Variants in CCDC28B observed in about 807,000 individuals in gnomAD.
The protein encoded by CCDC28B is coiled-coil domain-containing protein 28B.
Under a neutral mutation model 18.7 loss-of-function variants are expected in CCDC28B, and 17 were observed. That is an observed-to-expected ratio of 0.91 (90% CI 0.62 to 1.36). The LOEUF (loss-of-function observed/expected upper bound fraction) is 1.36, where lower values mean the gene tolerates loss of function less well. Among genes scored for constraint, CCDC28B ranks in the 40% most tolerant of loss-of-function variants. The probability of loss-of-function intolerance (pLI) is 0.00; values close to 1 mark genes in which losing one functional copy is unlikely to be tolerated. For missense variants in CCDC28B, 213 were observed against 251.7 expected, an observed-to-expected ratio of 0.85 and a Z score of 1.04; for synonymous variants, 116 against 105.1, an observed-to-expected ratio of 1.10 and a Z score of -0.64.
chr1:32,204,218 G>T lies in CCDC28B; in HGVS notation c.364G>T (p.Val122Phe). Residue 122 changes from valine (V) to phenylalanine (F), a missense_variant, in exon 4 of 6, where the codon GTT becomes TTT. Transcript: ENST00000373602. ...KECSFEQLEH[V>F]REMQEKLARL... Reference sequence around the variant, plus strand: ...ATGCTCCTTTGAGCAGCTGGAGCACGTTCGGGAGATGCAGGAGAAGCTAGC... The same window carrying T: ...ATGCTCCTTTGAGCAGCTGGAGCACTTTCGGGAGATGCAGGAGAAGCTAGC... 1 of 1,614,128 alleles carries T rather than the reference G, an allele frequency of 6.2e-7. No homozygotes were observed. The highest frequency in any genetic ancestry group is 8.5e-7 in the Non-Finnish European group (1 of 1,180,024).
intron 1 of CCDC28B, chr1:32,201,654 A>C: frequency 3.5e-6 from 1 of 283,440 alleles, no homozygotes; most frequent in Non-Finnish European, 6.5e-6. Flanking sequence ...GCGCCAAGAT[A>C]GTTGTGACTG....
chr1:32,204,427 A>C (rs766378441), intron 4 of CCDC28B, 48 bp downstream of exon 4: 3 of 1,534,518 alleles, frequency 2.0e-6, no homozygotes, highest in Non-Finnish European at 1.8e-6. Context: ...TGAGGGGTGG[A>C]GAAGGTACAT....
intron 4 of CCDC28B, 38 bp from the exon 5 acceptor site, chr1:32,204,560 C>T (rs753087932): frequency 1.3e-6 from 2 of 1,541,040 alleles, no homozygotes; most frequent in South Asian, 1.3e-5. Flanking sequence ...CCTGGTTCCC[C>T]TCCTAACAGA....
At chr1:32,204,679 T>C in intron 5 of CCDC28B, 59 bp downstream of exon 5, 1 of 1,614,036 alleles carries the variant, frequency 6.2e-7, no homozygotes, top group Non-Finnish European at 8.5e-7. Context: ...AGTTTCCTCC[T>C]CTCCAGCCCT....
In CCDC28B at chr1:32,205,230, G is replaced by T. The variant is rs1459129465; in HGVS notation, c.585G>T (p.Glu195Asp). Residue 195 changes from glutamate (E) to aspartate (D), a missense_variant, in exon 6 of 6, where the codon GAG becomes GAT. Transcript: ENST00000373602. The surrounding 1 kb of genome is among the most constrained non-coding windows in gnomAD (Gnocchi z 5.6). ...ACCTGGCCGAGAACGCCGAGCCTGA[G>T]GAGCAGTCCGCTGCGTAGGCGTCCC... Reference protein sequence around the residue: ...KLHLAENAEPEEQSAA With the variant: ...KLHLAENAEPDEQSAA 6.2e-7 allele frequency: 1 copy of T among 1,613,794 alleles called. No homozygotes were observed. Among genetic ancestry groups the T allele is most frequent in the South Asian group, 1.1e-5 (1 of 91,030 alleles).
intron 2 of CCDC28B, chr1:32,203,118 T>G: frequency 6.8e-6 from 1 of 146,524 alleles, no homozygotes; most frequent in Non-Finnish European, 1.5e-5. Context: ...TGTGTGACAG[T>G]GAGACTCTGT....
chr1:32,204,933 A>G, intron 5 of CCDC28B: 2 of 1,428,410 alleles, frequency 1.4e-6, no homozygotes, highest in South Asian at 1.5e-5. Context: ...TTACTAATTT[A>G]CACTACCACC....
intron 1 of CCDC28B, chr1:32,201,578 C>G (rs1643147891): frequency 9.9e-6 from 2 of 201,280 alleles, no homozygotes; most frequent in East Asian, 2.5e-4. Flanking sequence ...TCACCTCCGT[C>G]TTGTCTCCCA....
upstream of CCDC28B, among the ~76,000 whole-genome samples, chr1:32,198,641 C>G (rs376138694): frequency 1.3e-5 from 2 of 152,326 alleles, no homozygotes; most frequent in South Asian, 4.1e-4. Flanking sequence ...GCCCCTGCCC[C>G]CTTCAGCAAG....
At chr1:32,199,248 T>C (rs1643094886), upstream of CCDC28B, among the ~76,000 whole-genome samples, 1 of 152,062 alleles carries the variant, frequency 6.6e-6, no homozygotes, top group Non-Finnish European at 1.5e-5. Flanking sequence ...CCTCCACAAA[T>C]AGATGTGCCC....
chr1:32,196,882 A>C (rs766464212), upstream of CCDC28B: 1 of 152,172 alleles, frequency 6.6e-6, no homozygotes, highest in Non-Finnish European at 1.5e-5. Flanking sequence ...ATGGCACACC[A>C]TTTCTCCTTC....
At chr1:32,201,011 T>A (rs766703276) in intron 1 of CCDC28B, among the ~76,000 whole-genome samples, 1 of 152,012 alleles carries the variant, frequency 6.6e-6, no homozygotes, top group Non-Finnish European at 1.5e-5. Context: ...TCAGTGTAAA[T>A]GCTTAAGCGC....
At position 32,205,044 on chromosome 1, in the gene CCDC28B, C is replaced by A; in HGVS notation, c.549-150C>A. 2 of 1,170,214 alleles carry A rather than the reference C, an allele frequency of 1.7e-6. No homozygotes were observed. The highest frequency in any genetic ancestry group is 1.2e-6 in the Non-Finnish European group (1 of 839,952). The allele number at this position is 1,170,214 out of a possible 1,614,324, so 72.5% of individuals were successfully genotyped here. A position where few individuals can be genotyped will look rare whatever the true frequency, so the allele number is the denominator to read the frequency against. On this transcript the variant is annotated intron_variant, in intron 5 of 5. Transcript: ENST00000373602. This position sits in a 1 kb window ranked among gnomAD's most constrained non-coding sequence, Gnocchi z 5.6. ...TGAAGAGAGAGGGGGTGAGAGAGGG[C>A]AGGCGGGGACTGCAACCTCAGTCCA...
At chr1:32,201,083 G>C (rs1294217973) in intron 1 of CCDC28B, among the ~76,000 whole-genome samples, 1 of 146,462 alleles carries the variant, frequency 6.8e-6, no homozygotes, top group Non-Finnish European at 1.5e-5. Context: ...GCAGCAGCCT[G>C]GAATGAGACC....
At position 32,203,841 on chromosome 1, in the gene CCDC28B, C is replaced by A. The variant is rs767016937; in HGVS notation, c.165-38C>A. 2.0e-5 allele frequency: 29 copies of A among 1,473,380 alleles called. No homozygotes were observed. In the African/African-American group the frequency reaches 3.0e-4, roughly 15 times the overall value. The allele number at this position is 1,473,380 out of a possible 1,614,324, so 91.3% of individuals were successfully genotyped here. A position where few individuals can be genotyped will look rare whatever the true frequency, so the allele number is the denominator to read the frequency against. On this transcript the variant is annotated intron_variant, in intron 2 of 5. Coordinates refer to ENST00000373602, the MANE Select transcript of CCDC28B (RefSeq NM_024296.5). ...AAAGATCGGGAGGTGCCTGACTGCCCCCTACCCTGTGATCATGGTCATGTC... is the reference window on the plus strand; with the variant it reads ...AAAGATCGGGAGGTGCCTGACTGCCACCTACCCTGTGATCATGGTCATGTC...
At chr1:32,204,493 G>C (rs1028143151) in intron 4 of CCDC28B, 105 bp from the exon 5 acceptor site, 3 of 1,514,138 alleles carry the variant, frequency 2.0e-6, no homozygotes, top group Non-Finnish European at 1.8e-6. Flanking sequence ...ATGGATCCAA[G>C]AGCTCTGGGC....
Position 32,202,078 on chromosome 1 carries a change from A to G in CCDC28B, c.143A>G (p.Lys48Arg). The G allele has an allele frequency of 6.2e-7, 1 of 1,613,122 alleles. No homozygotes were observed. The highest frequency in any genetic ancestry group is 1.1e-5 in the South Asian group (1 of 90,962). ...ALGLPHLPSPKQRAKFKRVGK... is the reference protein window; with the variant it reads ...ALGLPHLPSPRQRAKFKRVGK... ...GGACTTCCTCATCTGCCATCCCCCA[A>G]GCAGCGGGCCAAGTTCAAGAGGTGG... Residue 48 changes from lysine (K) to arginine (R), a missense_variant, in exon 2 of 6, where the codon AAG becomes AGG. Physicochemically the swap from Lys to Arg is conservative, Grantham distance 26. Coordinates refer to ENST00000373602, the MANE Select transcript of CCDC28B (RefSeq NM_024296.5).
chr1:32,204,112 G>A, intron 3 of CCDC28B, 67 bp downstream of exon 3: 2 of 1,601,434 alleles, frequency 1.2e-6, no homozygotes, highest in Non-Finnish European at 1.7e-6. Flanking sequence ...CATGGGGCAT[G>A]GCTGGGACCA....
At chr1:32,204,705 C>T in intron 5 of CCDC28B, 85 bp downstream of exon 5, 1 of 1,614,148 alleles carries the variant, frequency 6.2e-7, no homozygotes, top group East Asian at 2.2e-5. Flanking sequence ...AGTATTCACA[C>T]ACAACCAACT....
Sources: gnomAD v4.1 joint callset for allele counts (sites outside exome capture counted in the v4.1 genomes callset) on GRCh38, gnomAD v4.1.1 for gene constraint, Gnocchi (gnomAD v3.1) non-coding constraint, MANE v1.5 for transcripts, NCBI Gene and HGNC (gene_info 2026-07-23, HGNC 2026-07-21) for gene names.